Variants in ABCA1 observed in about 807,000 individuals in gnomAD.
ABCA1 encodes ATP binding cassette subfamily A member 1.
Under a neutral mutation model 262.5 loss-of-function variants are expected in ABCA1, and 133 were observed. That is an observed-to-expected ratio of 0.51 (90% CI 0.44 to 0.59). ABCA1 has a LOEUF of 0.59. Among genes scored for constraint, ABCA1 ranks in the 20% least tolerant of loss-of-function variants. ABCA1 has a pLI of 0.00. For synonymous variants in ABCA1, 1,022 were observed against 1,043.5 expected, an observed-to-expected ratio of 0.98 and a Z score of 0.40; for missense variants, 2,452 against 2,777.5, an observed-to-expected ratio of 0.88 and a Z score of 2.63.
chr9:104,901,651 A>G (rs1840675997), intron 2 of ABCA1, among the ~76,000 whole-genome samples: 1 of 152,168 alleles, frequency 6.6e-6, no homozygotes, highest in Non-Finnish European at 1.5e-5. Context: ...GGAGTCAGAA[A>G]CTTCAATATT....
Position 104,790,909 on chromosome 9 carries a change from C to A in ABCA1, c.5927+13G>T. ...AGTCTTTGCAGCAAAATACAAGCCA[C>A]TTCTTTTCTCACCTATTTTTGTTAA... On this transcript the variant is annotated intron_variant, in intron 44 of 49. Transcript: ENST00000374736. 1 of 1,566,614 alleles carries A rather than the reference C, an allele frequency of 6.4e-7. No individual in the cohort carries two copies. The highest frequency in any genetic ancestry group is 8.8e-7 in the Non-Finnish European group (1 of 1,136,814).
At chr9:104,856,067 T>C in intron 7 of ABCA1, 2 of 1,601,312 alleles carry the variant, frequency 1.2e-6, no homozygotes, top group Non-Finnish European at 1.7e-6. Context: ...CCATGTGCAA[T>C]GTCATCACAT....
At chr9:104,831,877 C>G (rs746664255) in intron 12 of ABCA1, 50 bp from the exon 13 acceptor site, 1 of 1,559,316 alleles carries the variant, frequency 6.4e-7, no homozygotes, top group Non-Finnish European at 8.8e-7. Context: ...GGACAACAAG[C>G]AGTGGCTGAG....
At chr9:104,815,751 T>C (rs1245917236) in intron 25 of ABCA1, among the ~76,000 whole-genome samples, 1 of 152,234 alleles carries the variant, frequency 6.6e-6, no homozygotes, top group South Asian at 2.1e-4. Flanking sequence ...TCTGATTCAG[T>C]AGGTCTGAGC....
chr9:104,907,469 C>T (rs1397678774), intron 1 of ABCA1, among the ~76,000 whole-genome samples: 3 of 152,194 alleles, frequency 2.0e-5, no homozygotes, highest in Admixed American at 6.5e-5. Context: ...CCTGGCTTGT[C>T]GTAAGCACTT....
Position 104,830,955 on chromosome 9 carries a change from T to C in ABCA1, c.1862A>G (p.Gln621Arg). The change falls in exon 14 of 50, where the codon CAG becomes CGG. Residue 621 changes from glutamine to arginine, a missense_variant. Gln to Arg is a conservative substitution (Grantham distance 43). Around this residue, in one of 4 missense-constraint regions of ABCA1, gnomAD observed 1,032 missense variants for 1,089.7 expected, o/e 0.95. Transcript: ENST00000374736. ...ATCAACGTAACAGGGATAGGGCATC[T>C]GTTGCATATAGACACCAGTTTTCTT... is the stretch of plus-strand genomic sequence containing the variant. ...TEKKTGVYMQ[Q>R]MPYPCYVDDI... 1 of 1,613,970 alleles carries C rather than the reference T, an allele frequency of 6.2e-7. No individual in the cohort carries two copies. Among genetic ancestry groups the C allele is most frequent in the Non-Finnish European group, 8.5e-7 (1 of 1,179,984 alleles).
chr9:104,844,568 C>T (rs777080369), intron 8 of ABCA1, among the ~76,000 whole-genome samples: 6 of 152,050 alleles, frequency 3.9e-5, no homozygotes, highest in Non-Finnish European at 8.8e-5. Flanking sequence ...ACATAAAGTT[C>T]GTTTTTGATA....
At position 104,806,234 on chromosome 9, in the gene ABCA1, G is replaced by A. The variant is rs764585204; in HGVS notation, c.4464+7C>T. ...TTCTGCCCAATCACCCCCTGAAAGTGACTCACTTGTGGAGGAGGCAGCCCC... is the reference window on the plus strand; with the variant it reads ...TTCTGCCCAATCACCCCCTGAAAGTAACTCACTTGTGGAGGAGGCAGCCCC... On this transcript the variant is annotated splice_region_variant and intron_variant, in intron 31 of 49. Transcript: ENST00000374736. 2 of 1,612,464 alleles carry A rather than the reference G, an allele frequency of 1.2e-6. No individual in the cohort carries two copies. Among genetic ancestry groups the A allele is most frequent in the Non-Finnish European group, 1.7e-6 (2 of 1,179,902 alleles).
At chr9:104,807,592 G>T (rs1830881150) in intron 30 of ABCA1, among the ~76,000 whole-genome samples, 2 of 151,918 alleles carry the variant, frequency 1.3e-5, no homozygotes, top group South Asian at 4.1e-4. Flanking sequence ...AAGGCGGGTG[G>T]ATCACTAAGT....
intron 7 of ABCA1, among the ~76,000 whole-genome samples, chr9:104,847,558 A>G (rs190984698): frequency 6.6e-6 from 1 of 152,356 alleles, no homozygotes; most frequent in African/African-American, 2.4e-5. Flanking sequence ...TCTTAAAAAG[A>G]CAAACATCCT....
At chr9:104,876,970 T>C (rs1024071967) in intron 5 of ABCA1, among the ~76,000 whole-genome samples, 3 of 152,216 alleles carry the variant, frequency 2.0e-5, no homozygotes, top group African/African-American at 7.2e-5. Flanking sequence ...AAAATCTTAC[T>C]TTTGCAAACC....
chr9:104,890,834 G>A (rs1241740771), intron 2 of ABCA1, among the ~76,000 whole-genome samples: 1 of 152,056 alleles, frequency 6.6e-6, no homozygotes, highest in Non-Finnish European at 1.5e-5. Context: ...AAAAAATACA[G>A]AAAAGTTTAA....
chr9:104,794,611 G>A (rs1184226110), intron 39 of ABCA1, 101 bp from the exon 40 acceptor site: 2 of 1,407,248 alleles, frequency 1.4e-6, no homozygotes, highest in Non-Finnish European at 1.9e-6. Context: ...TCTGAAATAT[G>A]GGAGTGAAGA....
chr9:104,795,238 C>G (rs1752375189), intron 39 of ABCA1, among the ~76,000 whole-genome samples: 1 of 152,156 alleles, frequency 6.6e-6, no homozygotes, highest in Admixed American at 6.5e-5. Context: ...TCAAGCCAGG[C>G]CTACAGGAGC....
At chr9:104,792,515 A>T (rs540094914) in intron 42 of ABCA1, among the ~76,000 whole-genome samples, 20 of 152,338 alleles carry the variant, frequency 1.3e-4, no homozygotes, top group Non-Finnish European at 2.4e-4. Context: ...TAGATATACA[A>T]TATTAGTATG....
intron 44 of ABCA1, among the ~76,000 whole-genome samples, chr9:104,789,797 T>TA (rs1198365750): frequency 6.6e-6 from 1 of 152,102 alleles, no homozygotes; most frequent in Non-Finnish European, 1.5e-5. Flanking sequence ...TCTCTCCACA[T>TA]AATAAGTCCA....
At position 104,796,294 on chromosome 9, in the gene ABCA1, T is replaced by C. The variant is rs1262188295; in HGVS notation, c.5237+15A>G. 6.2e-7 allele frequency: 1 copy of C among 1,613,840 alleles called. No homozygotes were observed. Among genetic ancestry groups the C allele is most frequent in the African/African-American group, 1.3e-5 (1 of 74,912 alleles). ...CTTATCCACTGTGCAGCTCCCTCAC[T>C]CAGAGGTGACTTACCCATACAGCAA... On this transcript the variant is annotated intron_variant, in intron 38 of 49. Transcript: ENST00000374736.
chr9:104,844,190 G>A (rs1220915273), intron 8 of ABCA1, among the ~76,000 whole-genome samples: 1 of 152,072 alleles, frequency 6.6e-6, no homozygotes, highest in Non-Finnish European at 1.5e-5. Flanking sequence ...AGCAATGCAA[G>A]GCATGTCAAT....
chr9:104,905,594 C>A (rs1384683349), intron 1 of ABCA1, among the ~76,000 whole-genome samples: 3 of 152,230 alleles, frequency 2.0e-5, no homozygotes, highest in Non-Finnish European at 4.4e-5. Context: ...GTTAAACCAG[C>A]ACTGCATCAG....
Sources: gnomAD v4.1 joint callset for allele counts (sites outside exome capture counted in the v4.1 genomes callset) on GRCh38, gnomAD v4.1.1 for gene constraint, gnomAD v4.1.1 regional missense constraint, MANE v1.5 for transcripts, NCBI Gene and HGNC (gene_info 2026-07-23, HGNC 2026-07-21) for gene names.